CA5A: variants seen among roughly 807,000 people sequenced by gnomAD.
CA5A encodes carbonic anhydrase 5A, mitochondrial.
Under a neutral mutation model 37.1 loss-of-function variants are expected in CA5A, and 28 were observed. The ratio of observed to expected loss-of-function variants is 0.75; its 90% CI spans 0.56 to 1.03. The LOEUF (loss-of-function observed/expected upper bound fraction) is 1.03. CA5A is among the 50% of genes least tolerant of loss of function. The pLI, the probability that CA5A is intolerant of heterozygous loss-of-function variation, is 0.00. For synonymous variants in CA5A, 171 were observed against 158.4 expected (o/e 1.08, Z -0.60); for missense variants, 444 against 399.9 (o/e 1.11, Z -0.94).
At chr16:87,903,496 G>C (rs1433067373) in intron 3 of CA5A, among the ~76,000 whole-genome samples, 1 of 152,208 alleles carries the variant, frequency 6.6e-6, no homozygotes, top group African/African-American at 2.4e-5. Context: ...GTTGCAGATA[G>C]AGATACTAAA....
At chr16:87,890,513 G>A (rs542888602) in intron 6 of CA5A, among the ~76,000 whole-genome samples, 16 of 152,274 alleles carry the variant, frequency 1.1e-4, no homozygotes, top group Non-Finnish European at 1.9e-4. Context: ...GCGGGGGCGG[G>A]GCATAGGCAG....
chr16:87,893,124 T>C (rs567851160), intron 5 of CA5A: 2 of 560,922 alleles, frequency 3.6e-6, no homozygotes, highest in East Asian at 6.2e-5. Flanking sequence ...CTTTCTTTCT[T>C]CCTTTCTTTC....
In CA5A at chr16:87,931,544, A is replaced by G. The variant is rs186515319; in HGVS notation, c.143-4599T>C. On this transcript the variant is annotated intron_variant, in intron 1 of 6. Coordinates refer to ENST00000649794, the MANE Select transcript of CA5A (RefSeq NM_001739.2). ...TTATTTACCACCTTCTCCCAGTCTC[A>G]GTTTCTATATCTGCAGGAAGGAGAA... Among the ~76,000 whole-genome samples the G allele has an allele frequency of 1.1e-4, 16 of 152,322 alleles. No homozygotes were observed. In the East Asian group the frequency reaches 1.7e-3, roughly 17 times the overall value.
chr16:87,904,257 G>T (rs371031469), intron 3 of CA5A, among the ~76,000 whole-genome samples: 1 of 151,882 alleles, frequency 6.6e-6, no homozygotes, highest in Non-Finnish European at 1.5e-5. Flanking sequence ...CAGGAGAATC[G>T]CTTGAGCCTG....
intron 2 of CA5A, among the ~76,000 whole-genome samples, chr16:87,917,104 C>CAAAAAA (rs762381468): frequency 1.5e-5 from 1 of 65,834 alleles, no homozygotes; most frequent in Non-Finnish European, 3.6e-5. Context: ...GAGTCTGTCT[C>CAAAAAA]AAAAAAAAAA....
At position 87,893,824 on chromosome 16, in the gene CA5A, G is replaced by A. The variant is rs1337931161; in HGVS notation, c.619-1870C>T. ...GTCTTACTTTGTCACCCAGGCAGGA[G>A]TGCAATGATGCCATCATAGCTCACT... is the stretch of plus-strand genomic sequence containing the variant. On this transcript the variant is annotated intron_variant, in intron 5 of 6. Coordinates refer to ENST00000649794, the MANE Select transcript of CA5A (RefSeq NM_001739.2). The A allele has an allele frequency of 1.2e-5, 4 of 335,838 alleles. No individual in the cohort carries two copies. In the East Asian group the frequency reaches 3.2e-4, roughly 27 times the overall value. The allele number at this position is 335,838 out of a possible 1,614,324, so 20.8% of individuals were successfully genotyped here.
Position 87,904,670 on chromosome 16 carries a change from C to G in CA5A, c.459+116G>C, listed in dbSNP as rs562089144. The G allele has an allele frequency of 1.2e-5, 8 of 669,492 alleles. No individual in the cohort carries two copies. In the African/African-American group the frequency reaches 1.3e-4, roughly 10 times the overall value. The allele number at this position is 669,492 out of a possible 1,614,324, so 41.5% of individuals were successfully genotyped here. On this transcript the variant is annotated intron_variant, in intron 3 of 6. Coordinates refer to ENST00000649794, the MANE Select transcript of CA5A (RefSeq NM_001739.2). The stretch of plus-strand genomic sequence containing the variant: ...GTTCTGGTTTGAGCACTGACAGTCC[C>G]AGGCCCCAGGAAATCCTTCACATCT...
At chr16:87,917,002 G>A (rs551279722) in intron 2 of CA5A, among the ~76,000 whole-genome samples, 3 of 152,038 alleles carry the variant, frequency 2.0e-5, no homozygotes, top group African/African-American at 7.2e-5. Flanking sequence ...TTACTCGGGA[G>A]GCTGAGGCAG....
chr16:87,918,483 G>A (rs977010902), intron 2 of CA5A, among the ~76,000 whole-genome samples: 142 of 148,936 alleles, frequency 9.5e-4, no homozygotes, highest in Non-Finnish European at 1.7e-3. Flanking sequence ...GTTACTCATC[G>A]TCCTTGGCCC....
chr16:87,902,711 G>T (rs2055896454), intron 3 of CA5A, among the ~76,000 whole-genome samples, 191 bp from the exon 4 acceptor site: 1 of 150,630 alleles, frequency 6.6e-6, no homozygotes, highest in Non-Finnish European at 1.5e-5. Context: ...TCGAGACCAT[G>T]CTGGCTAACA....
At chr16:87,888,333 T>A in intron 6 of CA5A, 61 bp from the exon 7 acceptor site, 1 of 1,488,162 alleles carries the variant, frequency 6.7e-7, no homozygotes, top group Non-Finnish European at 9.2e-7. Context: ...AGCCTCTGGG[T>A]GTCCCTCAGG....
chr16:87,917,188 C>T (rs1272214522), intron 2 of CA5A, among the ~76,000 whole-genome samples: 1 of 152,024 alleles, frequency 6.6e-6, no homozygotes, highest in African/African-American at 2.4e-5. Flanking sequence ...ACAGTGGCTC[C>T]ACTGCCTGAC....
Position 87,905,035 on chromosome 16 carries a change from A to C in CA5A, c.341-131T>G, listed in dbSNP as rs559441652. On this transcript the variant is annotated intron_variant, in intron 2 of 6. Coordinates refer to ENST00000649794, the MANE Select transcript of CA5A (RefSeq NM_001739.2). Reference sequence around the variant, plus strand: ...GGGGTTGCTGTATGGTTGAAGTGACAAGCCAAAGGTGGGCTCCGTGAAAGG... The same window carrying C: ...GGGGTTGCTGTATGGTTGAAGTGACCAGCCAAAGGTGGGCTCCGTGAAAGG... 2.1e-4 allele frequency: 145 copies of C among 699,086 alleles called. 1 individual carries two copies. The South Asian group carries it at 2.2e-3, about 11-fold the overall frequency. The allele number at this position is 699,086 out of a possible 1,614,324, so 43.3% of individuals were successfully genotyped here. A position where few individuals can be genotyped will look rare whatever the true frequency, so the allele number is the denominator to read the frequency against.
At chr16:87,910,810 C>T (rs59878447) in intron 2 of CA5A, among the ~76,000 whole-genome samples, 3,580 of 152,122 alleles carry the variant, frequency 0.024, 153 homozygotes, top group African/African-American at 0.082. Flanking sequence ...AGTGCAATGG[C>T]CAGATCTTGG....
chr16:87,917,729 A>AGTG (rs1567530486), intron 2 of CA5A, among the ~76,000 whole-genome samples: 58 of 127,138 alleles, frequency 4.6e-4, no homozygotes, highest in African/African-American at 2.8e-3. Context: ...ACGTGCACAC[A>AGTG]CACATGAACA....
In CA5A at chr16:87,897,360, T is replaced by C. The variant is rs561981556; in HGVS notation, c.618+4552A>G. On this transcript the variant is annotated intron_variant, in intron 5 of 6. Transcript: ENST00000649794. ...CAGTTTTTGCCAAAACTTCTGGCTATGGTGAGAGGGTCAAAGGCGAAGCCT... is the reference window on the plus strand; with the variant it reads ...CAGTTTTTGCCAAAACTTCTGGCTACGGTGAGAGGGTCAAAGGCGAAGCCT... Among the ~76,000 whole-genome samples, 88 of 152,358 alleles carry C rather than the reference T, an allele frequency of 5.8e-4. 1 individual carries two copies. The highest frequency in any genetic ancestry group is 3.4e-3 in the Middle Eastern group (1 of 294).
At chr16:87,926,620 G>A in intron 2 of CA5A, 128 bp downstream of exon 2, 1 of 731,762 alleles carries the variant, frequency 1.4e-6, no homozygotes, top group Non-Finnish European at 2.3e-6. Flanking sequence ...GCGAGTCTCT[G>A]TCCCTGCCCC....
intron 3 of CA5A, among the ~76,000 whole-genome samples, chr16:87,903,184 G>A (rs1430075190): frequency 6.6e-6 from 1 of 152,198 alleles, no homozygotes; most frequent in Non-Finnish European, 1.5e-5. Context: ...TATAATCTCA[G>A]CACTCTGGGA....
chr16:87,929,891 A>T (rs1017833987), intron 1 of CA5A, among the ~76,000 whole-genome samples: 2 of 151,642 alleles, frequency 1.3e-5, no homozygotes, highest in East Asian at 3.9e-4. Flanking sequence ...AAAAAAAAAA[A>T]AAAAATAAGT....
Sources: allele counts gnomAD v4.1 joint callset (sites outside exome capture counted in the v4.1 genomes callset), GRCh38; gene constraint gnomAD v4.1.1; transcripts MANE v1.5; gene names NCBI Gene and HGNC (gene_info 2026-07-23, HGNC 2026-07-21).